TMEM154: variants seen among roughly 807,000 people sequenced by gnomAD.
The protein encoded by TMEM154 is transmembrane protein 154.
In TMEM154, 27 loss-of-function variants were observed where a neutral mutation model predicts 24.5. That is an observed-to-expected ratio of 1.10 (90% CI 0.81 to 1.52). The LOEUF (loss-of-function observed/expected upper bound fraction) is 1.52. TMEM154 is among the 40% of genes most tolerant of loss of function. The probability of loss-of-function intolerance (pLI) is 0.00; values close to 1 mark genes in which losing one functional copy is unlikely to be tolerated. For synonymous variants in TMEM154, 67 were observed against 76.8 expected (o/e 0.87, Z 0.67); for missense variants, 228 against 213.4 (o/e 1.07, Z -0.43).
chr4:152,663,843 T>C (rs1728664562), intron 1 of TMEM154, among the ~76,000 whole-genome samples: 1 of 152,254 alleles, frequency 6.6e-6, no homozygotes, highest in Non-Finnish European at 1.5e-5. Flanking sequence ...ATTGACAATA[T>C]TCACGCAGAC....
At chr4:152,678,796 G>C (rs143501396) in intron 1 of TMEM154, among the ~76,000 whole-genome samples, 7 of 152,226 alleles carry the variant, frequency 4.6e-5, no homozygotes, top group African/African-American at 1.4e-4. Flanking sequence ...CAGCTGGAAT[G>C]ATTTGCCTTC....
chr4:152,656,302 T>A (rs1455916573), intron 1 of TMEM154, among the ~76,000 whole-genome samples: 1 of 152,126 alleles, frequency 6.6e-6, no homozygotes, highest in East Asian at 1.9e-4. Context: ...CCAGCCTGCC[T>A]GGACACACTA....
At chr4:152,645,109 A>T (rs1357565836) in intron 3 of TMEM154, among the ~76,000 whole-genome samples, 1 of 78,926 alleles carries the variant, frequency 1.3e-5, no homozygotes, top group Non-Finnish European at 2.5e-5. Flanking sequence ...CTCATTGGTC[A>T]ACCCGTCTGT....
intron 1 of TMEM154, among the ~76,000 whole-genome samples, chr4:152,655,261 G>T (rs948228111): frequency 6.6e-6 from 1 of 152,232 alleles, no homozygotes; most frequent in Non-Finnish European, 1.5e-5. Context: ...GACTGGCTGG[G>T]AGCCAGGAGA....
chr4:152,675,753 T>G (rs1003385753), intron 1 of TMEM154, among the ~76,000 whole-genome samples: 2 of 152,174 alleles, frequency 1.3e-5, no homozygotes, highest in African/African-American at 4.8e-5. Context: ...CTCGGACCAG[T>G]AGTGCAGAGT....
chr4:152,663,925 T>C (rs557240053), intron 1 of TMEM154, among the ~76,000 whole-genome samples: 1 of 152,322 alleles, frequency 6.6e-6, no homozygotes, highest in South Asian at 2.1e-4. Context: ...GAAGAAATGT[T>C]TGAGGTAACG....
chr4:152,634,652 C>T (rs765110688), intron 6 of TMEM154, among the ~76,000 whole-genome samples: 1 of 152,180 alleles, frequency 6.6e-6, no homozygotes, highest in Non-Finnish European at 1.5e-5. Context: ...TCATCCAACA[C>T]ATACATGCAC....
In TMEM154 at chr4:152,643,087, C is replaced by A; in HGVS notation, c.478+1G>T. 1 of 1,611,194 alleles carries A rather than the reference C, an allele frequency of 6.2e-7. No homozygotes were observed. Among genetic ancestry groups the A allele is most frequent in the Non-Finnish European group, 8.5e-7 (1 of 1,178,686 alleles). ...AAAAACAACTTTAGGTTACCACATA[C>A]CATTTCTATTCATGCTGTTCATCCA... On this transcript the variant is annotated splice_donor_variant, in intron 5 of 6. Coordinates refer to ENST00000304385, the MANE Select transcript of TMEM154 (RefSeq NM_152680.3). LOFTEE classifies it high-confidence loss of function.
In TMEM154 at chr4:152,652,538, A is replaced by G; in HGVS notation, c.364T>C (p.Tyr122His). The G allele has an allele frequency of 3.1e-6, 5 of 1,613,996 alleles. No individual in the cohort carries two copies. The highest frequency in any genetic ancestry group is 4.2e-6 in the Non-Finnish European group (5 of 1,179,962). Residue 122 changes from tyrosine (Y) to histidine (H), a missense_variant and splice_region_variant, in exon 3 of 7, where the codon TAT becomes CAT. Transcript: ENST00000304385. Reference sequence around the variant, plus strand: ...AGGCAGGTTTTAGGATAATACTCACATGTCTGTAAAGCACTCTGAGATCCT... The same window carrying G: ...AGGCAGGTTTTAGGATAATACTCACGTGTCTGTAAAGCACTCTGAGATCCT... The part of the protein sequence containing the change: ...SQGSQSALQT[Y>H]ELGSENVKVP...
chr4:152,626,820 C>T lies in TMEM154; in HGVS notation c.*1726G>A, dbSNP rs911375461. On this transcript the variant is annotated 3_prime_UTR_variant, in exon 7 of 7. Transcript: ENST00000304385. ...GATGAGAAACAAACTGAAAGTAGCACACATAGGCAGAAAAATAGACAAGTT... is the reference window on the plus strand; with the variant it reads ...GATGAGAAACAAACTGAAAGTAGCATACATAGGCAGAAAAATAGACAAGTT... 1 of 152,040 alleles carries T rather than the reference C, an allele frequency of 6.6e-6. No homozygotes were observed. The highest frequency in any genetic ancestry group is 2.4e-5 in the African/African-American group (1 of 41,390). 9.4% of individuals were successfully genotyped at this position (152,040 alleles called of 1,614,324 possible).
At chr4:152,671,535 C>G (rs1349611721) in intron 1 of TMEM154, among the ~76,000 whole-genome samples, 1 of 151,568 alleles carries the variant, frequency 6.6e-6, no homozygotes, top group Non-Finnish European at 1.5e-5. Context: ...ATCACGAGGT[C>G]AGGAGATCGA....
intron 6 of TMEM154, among the ~76,000 whole-genome samples, chr4:152,640,697 G>A (rs1159742545): frequency 6.6e-6 from 1 of 152,140 alleles, no homozygotes; most frequent in Non-Finnish European, 1.5e-5. Context: ...GCAAGAAAAT[G>A]TCAATACTCA....
At chr4:152,657,641 G>A (rs1002732168) in intron 1 of TMEM154, among the ~76,000 whole-genome samples, 8 of 152,072 alleles carry the variant, frequency 5.3e-5, no homozygotes, top group African/African-American at 1.7e-4. Context: ...TTCAACAAAG[G>A]ACTTCTCCAC....
At chr4:152,658,281 A>G (rs1728530085) in intron 1 of TMEM154, among the ~76,000 whole-genome samples, 1 of 152,228 alleles carries the variant, frequency 6.6e-6, no homozygotes, top group South Asian at 2.1e-4. Flanking sequence ...TATGGGATAC[A>G]GCAAAAGCAG....
intron 5 of TMEM154, among the ~76,000 whole-genome samples, chr4:152,642,482 C>A (rs987300840): frequency 6.6e-6 from 1 of 152,114 alleles, no homozygotes; most frequent in African/African-American, 2.4e-5. Flanking sequence ...TCCATTACTG[C>A]CAGATATCAA....
At chr4:152,662,633 C>T (rs1561055405) in intron 1 of TMEM154, among the ~76,000 whole-genome samples, 1 of 152,140 alleles carries the variant, frequency 6.6e-6, no homozygotes, top group Admixed American at 6.5e-5. Context: ...AGGTGTCCCT[C>T]CCATGGCCTA....
rs201400795 is a variant in TMEM154 at position 152,653,485 on chromosome 4, G to GT, written c.65-559dup. Among the ~76,000 whole-genome samples, 1,400 of 151,432 alleles carry GT rather than the reference G, an allele frequency of 9.2e-3. 20 individuals carry two copies. Among genetic ancestry groups the GT allele is most frequent in the African/African-American group, 0.031 (1,273 of 41,222 alleles). On this transcript the variant is annotated intron_variant, in intron 1 of 6. Coordinates refer to ENST00000304385, the MANE Select transcript of TMEM154 (RefSeq NM_152680.3). ...GCTCACTGCAACCTCCACCTCCTGG[G>GT]TTCAAGCAATTCTCGTGCCTCAGCC...
intron 1 of TMEM154, among the ~76,000 whole-genome samples, chr4:152,679,187 T>A (rs1485728910): frequency 2.0e-5 from 3 of 152,144 alleles, no homozygotes; most frequent in African/African-American, 7.2e-5. Context: ...TTTTTTCCAA[T>A]ACCTTTGATT....
intron 1 of TMEM154, among the ~76,000 whole-genome samples, chr4:152,673,567 C>A (rs1409900952): frequency 1.3e-5 from 2 of 152,214 alleles, no homozygotes; most frequent in African/African-American, 4.8e-5. Flanking sequence ...TCCCAAAGTG[C>A]TGGGATTACA....
Sources: gnomAD v4.1 joint callset for allele counts (sites outside exome capture counted in the v4.1 genomes callset) on GRCh38, gnomAD v4.1.1 for gene constraint, MANE v1.5 for transcripts, NCBI Gene and HGNC (gene_info 2026-07-23, HGNC 2026-07-21) for gene names.